The following CAST variants were observed in gnomAD, a reference collection of about 807,000 sequenced individuals.
The protein encoded by CAST is MIR583 host.
Under a neutral mutation model 119.6 loss-of-function variants are expected in CAST, and 76 were observed. The observed-to-expected ratio is 0.64, with a 90% CI of 0.53 to 0.77. The LOEUF is 0.77. Ranked by LOEUF, CAST falls within the 30% of genes least tolerant of loss-of-function variation. The probability of loss-of-function intolerance (pLI) is 0.00; values close to 1 mark genes in which losing one functional copy is unlikely to be tolerated. For synonymous variants in CAST, 319 were observed against 331.6 expected (o/e 0.96, Z 0.41); for missense variants, 953 against 946.5 (o/e 1.01, Z -0.09).
chr5:96,324,596 G>A, the CAST span, among the ~76,000 whole-genome samples: 8 of 152,146 alleles, frequency 5.3e-5, no homozygotes, highest in South Asian at 6.2e-4. Flanking sequence ...GTAATTCAAG[G>A]CATTTATGAG....
At chr5:96,565,517 G>A (rs910140269) in intron 1 of CAST, among the ~76,000 whole-genome samples, 1 of 152,108 alleles carries the variant, frequency 6.6e-6, no homozygotes, top group Non-Finnish European at 1.5e-5. Context: ...AATGACTAGG[G>A]TACAAATTAG....
intron 24 of CAST, chr5:96,760,941 TTTAGGTAAGATTAATCCAACTAAACAC>T (rs1767733677): frequency 6.6e-6 from 1 of 152,058 alleles, no homozygotes; most frequent in South Asian, 2.1e-4. Flanking sequence ...TTTCAGTACT[TTTAGGTAAGATTAATCCAACTAAACAC>T]TAGCATATGT....
chr5:96,173,029 T>C, the CAST span, among the ~76,000 whole-genome samples: 1 of 152,234 alleles, frequency 6.6e-6, no homozygotes, highest in Non-Finnish European at 1.5e-5. Context: ...AGTATTCTCT[T>C]ACAAGTCCAT....
intron 1 of CAST, among the ~76,000 whole-genome samples, chr5:96,616,622 G>A (rs1358907477): frequency 6.6e-6 from 1 of 151,986 alleles, no homozygotes; most frequent in African/African-American, 2.4e-5. Context: ...AGCAGGTCAG[G>A]GTACTTCTCC....
At chr5:96,059,551 A>G in the CAST span, among the ~76,000 whole-genome samples, 13 of 152,262 alleles carry the variant, frequency 8.5e-5, no homozygotes, top group African/African-American at 3.1e-4. Context: ...ACAGGGTCCA[A>G]AATGACCTTG....
intron 28 of CAST, 24 bp from the exon 29 acceptor site, chr5:96,767,882 AT>A: frequency 6.6e-7 from 1 of 1,506,972 alleles, no homozygotes; most frequent in South Asian, 1.1e-5. Context: ...TTCTTCACTG[AT>A]GGTTATTTCT....
chr5:96,598,591 C>T lies in CAST; in HGVS notation c.60+68711C>T, dbSNP rs140558363. ...AAATCAATAAACATTGTCCTACCTC[C>T]GTTTTTCTATGAGAAAAATGGAAAA... On this transcript the variant is annotated intron_variant, in intron 1 of 11. Coordinates refer to the CAST transcript ENST00000505143. 2.1e-3 allele frequency among the ~76,000 whole-genome samples: 327 copies of T among 152,272 alleles called. 1 individual carries two copies. Among genetic ancestry groups the T allele is most frequent in the African/African-American group, 7.5e-3 (313 of 41,552 alleles).
chr5:96,308,392 G>A, the CAST span, among the ~76,000 whole-genome samples: 3 of 151,868 alleles, frequency 2.0e-5, no homozygotes, highest in African/African-American at 7.3e-5. Context: ...CTTGCATTGG[G>A]TTAGAACATG....
chr5:96,229,458 C>G, the CAST span, among the ~76,000 whole-genome samples: 1 of 152,002 alleles, frequency 6.6e-6, no homozygotes, highest in Admixed American at 6.6e-5. Flanking sequence ...ATTTCCATGG[C>G]AGTGGCAGCA....
chr5:96,497,818 T>C, the CAST span, among the ~76,000 whole-genome samples: 1 of 152,364 alleles, frequency 6.6e-6, no homozygotes, highest in South Asian at 2.1e-4. Flanking sequence ...GGTTGCCTGT[T>C]CACTCTGATG....
chr5:96,644,314 C>G (rs540538996), intron 1 of CAST, among the ~76,000 whole-genome samples: 7 of 152,250 alleles, frequency 4.6e-5, no homozygotes, highest in African/African-American at 1.7e-4. Context: ...TACTGCTTCT[C>G]CAAGAATAAG....
chr5:96,482,504 A>G, the CAST span, among the ~76,000 whole-genome samples: 2 of 151,926 alleles, frequency 1.3e-5, no homozygotes, highest in Admixed American at 1.3e-4. Context: ...TGGCGCTTAT[A>G]GGCATTAGTG....
chr5:96,007,292 A>G, the CAST span, among the ~76,000 whole-genome samples: 12 of 152,340 alleles, frequency 7.9e-5, no homozygotes, highest in African/African-American at 2.6e-4. Flanking sequence ...GTATGTGCAG[A>G]TTAAGCTTCC....
At chr5:96,720,726 C>T (rs1356972592) in intron 3 of CAST, among the ~76,000 whole-genome samples, 2 of 152,210 alleles carry the variant, frequency 1.3e-5, no homozygotes. Flanking sequence ...ATTTGAGGAT[C>T]ACTTCAAGGT....
intron 24 of CAST, among the ~76,000 whole-genome samples, chr5:96,759,713 CA>C (rs1767282880): frequency 6.6e-6 from 1 of 151,608 alleles, no homozygotes; most frequent in Non-Finnish European, 1.5e-5. Flanking sequence ...AAAAACCTTA[CA>C]AAAAATACAA....
chr5:96,403,354 T>A, the CAST span, among the ~76,000 whole-genome samples: 1 of 152,180 alleles, frequency 6.6e-6, no homozygotes, highest in South Asian at 2.1e-4. Context: ...CATGTTGGTG[T>A]GCTGCACCCG....
chr5:96,754,565 T>C (rs1290790619), intron 21 of CAST, 93 bp from the exon 22 acceptor site: 12 of 761,996 alleles, frequency 1.6e-5, no homozygotes, highest in Non-Finnish European at 2.7e-5. Context: ...AACCTAATGA[T>C]AGATTTGTTT....
the CAST span, among the ~76,000 whole-genome samples, chr5:96,512,206 A>G: frequency 1.3e-5 from 2 of 152,262 alleles, no homozygotes; most frequent in African/African-American, 2.4e-5. Context: ...ATGTATTAGT[A>G]TAAACTTGAT....
chr5:96,667,799 G>A (rs1281069829), intron 1 of CAST, among the ~76,000 whole-genome samples: 1 of 152,204 alleles, frequency 6.6e-6, no homozygotes, highest in East Asian at 1.9e-4. Flanking sequence ...TGGATCACAA[G>A]GTCAGGAGTT....
Sources: allele counts gnomAD v4.1 joint callset (sites outside exome capture counted in the v4.1 genomes callset), GRCh38; gene constraint gnomAD v4.1.1; transcripts MANE v1.5; gene names NCBI Gene and HGNC (gene_info 2026-07-23, HGNC 2026-07-21).